ISL2: variants seen among roughly 807,000 people sequenced by gnomAD.
ISL2 encodes the protein insulin gene enhancer protein ISL-2.
A neutral mutation model predicts 34.6 loss-of-function variants in ISL2; 17 were observed. That is an observed-to-expected ratio of 0.49 (90% CI 0.34 to 0.74). The LOEUF is 0.74. Ranked by LOEUF, ISL2 falls within the 30% of genes least tolerant of loss-of-function variation. The pLI is 0.01. For synonymous variants in ISL2, 232 were observed against 225.5 expected (o/e 1.03, Z -0.26); for missense variants, 469 against 515.2 (o/e 0.91, Z 0.87).
chr15:76,341,347 G>A (rs1188915758), intron 5 of ISL2, 46 bp downstream of exon 5: 7 of 1,537,976 alleles, frequency 4.6e-6, no homozygotes, highest in Non-Finnish European at 6.1e-6. Flanking sequence ...TCTGCGGGTT[G>A]GGGATTTAGC....
At chr15:76,337,696 G>T in intron 1 of ISL2, 82 bp from the exon 2 acceptor site, 1 of 1,247,560 alleles carries the variant, frequency 8.0e-7, no homozygotes, top group East Asian at 2.8e-5. Flanking sequence ...GAGCGAGCGG[G>T]TTGGGTTGGG....
At position 76,338,358 on chromosome 15, in the gene ISL2, G is replaced by T. The variant is rs147622507; in HGVS notation, c.355G>T (p.Val119Leu). 97 of 1,559,124 alleles carry T rather than the reference G, an allele frequency of 6.2e-5. No individual in the cohort carries two copies. The African/African-American group carries it at 1.2e-3, about 19-fold the overall frequency. Residue 119 changes from valine to leucine, a missense_variant, in exon 3 of 6, where the codon GTG becomes TTG. Physicochemically the swap from Val to Leu is conservative, Grantham distance 32. Around this residue, in one of 3 missense-constraint regions of ISL2, gnomAD observed 297 missense variants for 337.8 expected, o/e 0.88. Transcript: ENST00000290759. ...CCACATCGAGTGCTTCCGCTGCTCC[G>T]TGTGCAGCCGCCAGCTGCTGCCTGG... ...VYHIECFRCS[V>L]CSRQLLPGDE... is the part of the protein sequence containing the mutation.
At chr15:76,340,896 C>T (rs2040188275) in intron 4 of ISL2, among the ~76,000 whole-genome samples, 1 of 152,230 alleles carries the variant, frequency 6.6e-6, no homozygotes, top group South Asian at 2.1e-4. Flanking sequence ...GAGTGCAGGT[C>T]TTGCCTTTCC....
chr15:76,338,468 G>T lies in ISL2; in HGVS notation c.465G>T (p.Pro155=). 7.1e-7 allele frequency: 1 copy of T among 1,401,260 alleles called. No homozygotes were observed. Among genetic ancestry groups the T allele is most frequent in the Non-Finnish European group, 9.2e-7 (1 of 1,082,796 alleles). The allele number at this position is 1,401,260 out of a possible 1,614,324, so 86.8% of individuals were successfully genotyped here. ...LLLERAAAGS[P]RSPGPLPGAR... Reference sequence around the variant, plus strand: ...TCGAGCGCGCCGCGGCCGGCAGCCCGCGCAGCCCCGGCCCGCTTCCCGGCG... The same window carrying T: ...TCGAGCGCGCCGCGGCCGGCAGCCCTCGCAGCCCCGGCCCGCTTCCCGGCG... The change falls in exon 3 of 6, where the codon CCG becomes CCT. Residue 155 remains proline, a synonymous_variant. Transcript: ENST00000290759.
Position 76,341,798 on chromosome 15 carries a change from C to A in ISL2, c.1043C>A (p.Thr348Asn). ...TCCCTGTCCTCGCAGCTCCCGGACA[C>A]CCCCAACAGTATGGTGCCGAGTCCC... ...VTSLSSQLPD[T>N]PNSMVPSPVE... Residue 348 changes from threonine to asparagine, a missense_variant, in exon 6 of 6, where the codon ACC (threonine) becomes AAC (asparagine). This residue lies in a region of ISL2 where 169 missense variants were observed against 154.2 expected (regional missense o/e 1.10). Coordinates refer to ENST00000290759, the MANE Select transcript of ISL2 (RefSeq NM_145805.3). 2 of 1,613,718 alleles carry A rather than the reference C, an allele frequency of 1.2e-6. No homozygotes were observed. The highest frequency in any genetic ancestry group is 2.2e-5 in the South Asian group (2 of 91,086).
intron 2 of ISL2, 96 bp downstream of exon 2, chr15:76,338,063 G>C: frequency 7.6e-7 from 1 of 1,316,944 alleles, no homozygotes; most frequent in South Asian, 1.7e-5. Context: ...GCCCTGCCCA[G>C]GGAGAAGGCC....
chr15:76,341,384 G>A lies in ISL2; in HGVS notation c.963+83G>A, dbSNP rs185380370. On this transcript the variant is annotated intron_variant, in intron 5 of 5. Coordinates refer to ENST00000290759, the MANE Select transcript of ISL2 (RefSeq NM_145805.3). Reference sequence around the variant, plus strand: ...ACTTAGCCTGGCAGAGAGGGGAGGGGGTGGCCTTGGGCTGAGGGGCTGGGT... The same window carrying A: ...ACTTAGCCTGGCAGAGAGGGGAGGGAGTGGCCTTGGGCTGAGGGGCTGGGT... The A allele has an allele frequency of 7.4e-4, 1,028 of 1,382,956 alleles. 7 individuals are homozygous for A. The African/African-American group carries it at 0.011, about 15-fold the overall frequency. The allele number at this position is 1,382,956 out of a possible 1,614,324, so 85.7% of individuals were successfully genotyped here.
chr15:76,339,112 G>T, intron 3 of ISL2: 1 of 985,426 alleles, frequency 1.0e-6, no homozygotes, highest in Middle Eastern at 5.2e-4. Flanking sequence ...ATCAGCAGCT[G>T]CCCAGAGATG....
At chr15:76,339,512 G>C (rs913911121) in intron 3 of ISL2, 88 of 985,402 alleles carry the variant, frequency 8.9e-5, no homozygotes, top group Non-Finnish European at 1.0e-4. Context: ...TGTTTGTTTC[G>C]GGCTTCAGGG....
In ISL2 at chr15:76,336,840, C is replaced by T. The variant is rs1349476910; in HGVS notation, c.-44C>T. Reference sequence around the variant, plus strand: ...CGAGGCCGGGCGCGCGACCCTCGTCCTTCTGCCCCTGGCCGCACACTTTGC... The same window carrying T: ...CGAGGCCGGGCGCGCGACCCTCGTCTTTCTGCCCCTGGCCGCACACTTTGC... On this transcript the variant is annotated 5_prime_UTR_variant, in exon 1 of 6. Transcript: ENST00000290759. 14 of 1,574,196 alleles carry T rather than the reference C, an allele frequency of 8.9e-6. No homozygotes were observed. In the Admixed American group the frequency reaches 2.2e-4, roughly 24 times the overall value.
intron 3 of ISL2, chr15:76,339,549 TCCC>T (rs2040177811): frequency 1.5e-5 from 15 of 985,590 alleles, no homozygotes; most frequent in Non-Finnish European, 1.7e-5. Context: ...AGTCACTGTT[TCCC>T]CGGGATGGAG....
chr15:76,341,122 C>T lies in ISL2; in HGVS notation c.796-12C>T. On this transcript the variant is annotated splice_polypyrimidine_tract_variant and intron_variant, in intron 4 of 5. Transcript: ENST00000290759. ...TAACTCGAGCACCTACTGCCTTCTG[C>T]TTGCCCCGCAGAGCCTTCAGGGACT... 1 of 1,550,420 alleles carries T rather than the reference C, an allele frequency of 6.4e-7. No homozygotes were observed. The highest frequency in any genetic ancestry group is 8.7e-7 in the Non-Finnish European group (1 of 1,148,256).
chr15:76,340,590 C>A, intron 4 of ISL2, 31 bp downstream of exon 4: 1 of 1,583,138 alleles, frequency 6.3e-7, no homozygotes. Flanking sequence ...AGGCTCGAGT[C>A]GGGTGGGGGC....
In ISL2 at chr15:76,341,287, G is replaced by C; in HGVS notation, c.949G>C (p.Ala317Pro). ...CCTCCAGAGCGACCTGGACCAACCCGCCTTCCAACAGCTGGTGAGGCCCTG... is the reference window on the plus strand; with the variant it reads ...CCTCCAGAGCGACCTGGACCAACCCCCCTTCCAACAGCTGGTGAGGCCCTG... ...FALQSDLDQP[A>P]FQQLVSFSES... Residue 317 changes from alanine (A) to proline (P), a missense_variant, in exon 5 of 6, where the codon GCC (alanine) becomes CCC (proline). Physicochemically the swap from Ala to Pro is conservative, Grantham distance 27. This residue lies in a region of ISL2 where 169 missense variants were observed against 154.2 expected (regional missense o/e 1.10). Transcript: ENST00000290759. The C allele has an allele frequency of 6.2e-7, 1 of 1,602,228 alleles. No individual in the cohort carries two copies. Among genetic ancestry groups the C allele is most frequent in the Non-Finnish European group, 8.5e-7 (1 of 1,174,520 alleles).
At position 76,338,438 on chromosome 15, in the gene ISL2, C is replaced by G. The variant is rs778477156; in HGVS notation, c.435C>G (p.Leu145=). 2 of 1,458,444 alleles carry G rather than the reference C, an allele frequency of 1.4e-6. No homozygotes were observed. Among genetic ancestry groups the G allele is most frequent in the East Asian group, 6.0e-5 (2 of 33,116 alleles). 90.3% of individuals were successfully genotyped at this position (1,458,444 alleles called of 1,614,324 possible). Residue 145 remains leucine (L), a synonymous_variant, in exon 3 of 6, where the codon CTC becomes CTG. Transcript: ENST00000290759. The part of the protein sequence containing the change: ...HELLCRADHG[L]LLERAAAGSP... Reference sequence around the variant, plus strand: ...TGCTCTGCCGCGCCGACCACGGCCTCCTGCTCGAGCGCGCCGCGGCCGGCA... The same window carrying G: ...TGCTCTGCCGCGCCGACCACGGCCTGCTGCTCGAGCGCGCCGCGGCCGGCA...
intron 3 of ISL2, chr15:76,339,891 G>A: frequency 9.5e-7 from 1 of 1,053,416 alleles, no homozygotes; most frequent in Non-Finnish European, 1.1e-6. Flanking sequence ...CAGAGTCCTG[G>A]GCAAGCCTCT....
intron 2 of ISL2, 76 bp downstream of exon 2, chr15:76,338,043 G>A: frequency 1.5e-6 from 2 of 1,320,202 alleles, no homozygotes; most frequent in Non-Finnish European, 2.0e-6. Flanking sequence ...CGGCCTGCCC[G>A]CGCGCCCCGG....
At chr15:76,337,654 T>G in intron 1 of ISL2, 124 bp from the exon 2 acceptor site, 1 of 822,866 alleles carries the variant, frequency 1.2e-6, no homozygotes, top group Non-Finnish European at 1.8e-6. Flanking sequence ...CATCTTTCCT[T>G]ATGGTCGCAA....
rs777805059 is a variant in ISL2, at chr15:76,341,842, C to T, written c.*7C>T. 5 of 1,587,542 alleles carry T rather than the reference C, an allele frequency of 3.1e-6. No individual in the cohort carries two copies. The highest frequency in any genetic ancestry group is 1.7e-5 in the Admixed American group (1 of 59,962). ...GAGTCCCGTGGAGACGTGAGGGGGA[C>T]CCCTCCCTGCCAGCCCGCGGACCTC... On this transcript the variant is annotated 3_prime_UTR_variant, in exon 6 of 6. Coordinates refer to ENST00000290759, the MANE Select transcript of ISL2 (RefSeq NM_145805.3).
Sources: allele counts gnomAD v4.1 joint callset (sites outside exome capture counted in the v4.1 genomes callset), GRCh38; gene constraint gnomAD v4.1.1; regional missense constraint gnomAD v4.1.1; transcripts MANE v1.5; gene names NCBI Gene and HGNC (gene_info 2026-07-23, HGNC 2026-07-21).